The following PCDH15 variants were observed in gnomAD, a reference collection of about 807,000 sequenced individuals.
The protein encoded by PCDH15 is protocadherin-15.
PCDH15 carries 129 observed loss-of-function variants against 178.5 expected under a neutral mutation model. The ratio of observed to expected loss-of-function variants is 0.72; its 90% CI spans 0.63 to 0.84. The LOEUF is 0.84. Ranked by LOEUF, PCDH15 falls within the 40% of genes least tolerant of loss-of-function variation. The pLI is 0.00. For missense variants in PCDH15, 2,230 were observed against 2,099.9 expected, an observed-to-expected ratio of 1.06 and a Z score of -1.21; for synonymous variants, 800 against 732.0, an observed-to-expected ratio of 1.09 and a Z score of -1.50.
chr10:54,751,968 C>T (rs1428167449), intron 1 of PCDH15, among the ~76,000 whole-genome samples: 1 of 152,052 alleles, frequency 6.6e-6, no homozygotes, highest in Non-Finnish European at 1.5e-5. Flanking sequence ...CGTCATGTTT[C>T]TCAATCTATT....
At chr10:54,909,556 T>A (rs781586422) in intron 2 of PCDH15, among the ~76,000 whole-genome samples, 50 of 152,202 alleles carry the variant, frequency 3.3e-4, no homozygotes, top group Non-Finnish European at 2.5e-4. Flanking sequence ...AGCCAGACAG[T>A]GTGAGCAGTC....
At chr10:54,270,142 T>C (rs1464036341) in intron 8 of PCDH15, among the ~76,000 whole-genome samples, 4 of 152,110 alleles carry the variant, frequency 2.6e-5, no homozygotes, top group Admixed American at 6.6e-5. Context: ...ACGCTATAGA[T>C]AGTGAAATAT....
intron 2 of PCDH15, among the ~76,000 whole-genome samples, chr10:54,613,515 A>G (rs2093032165): frequency 2.0e-5 from 3 of 151,480 alleles, no homozygotes; most frequent in African/African-American, 7.3e-5. Flanking sequence ...ACACACACAC[A>G]CACACACACT....
chr10:54,392,448 G>A (rs1326762918), intron 3 of PCDH15, among the ~76,000 whole-genome samples: 1 of 115,346 alleles, frequency 8.7e-6, no homozygotes, highest in African/African-American at 3.1e-5. Flanking sequence ...CCTGGCTTGG[G>A]TGACAGAGTG....
At chr10:54,175,994 G>A (rs1037686192) in intron 13 of PCDH15, among the ~76,000 whole-genome samples, 6 of 152,072 alleles carry the variant, frequency 3.9e-5, no homozygotes, top group African/African-American at 9.7e-5. Flanking sequence ...TCCAATTTAA[G>A]AGCAGGAAGG....
intron 2 of PCDH15, among the ~76,000 whole-genome samples, chr10:55,517,067 A>G (rs1841030278): frequency 6.6e-6 from 1 of 152,114 alleles, no homozygotes; most frequent in East Asian, 1.9e-4. Flanking sequence ...TTAACTCACT[A>G]AAGAACTACT....
chr10:55,532,617 C>T (rs1841478847), intron 2 of PCDH15, among the ~76,000 whole-genome samples: 3 of 152,006 alleles, frequency 2.0e-5, no homozygotes, highest in African/African-American at 7.2e-5. Flanking sequence ...CCCAGATATG[C>T]TGGATGAAGC....
intron 16 of PCDH15, 84 bp from the exon 17 acceptor site, chr10:54,079,508 T>G: frequency 8.0e-7 from 1 of 1,247,826 alleles, no homozygotes; most frequent in South Asian, 1.2e-5. Context: ...GAATTACTTT[T>G]GATAGCTTTT....
chr10:53,922,509 A>G (rs927937482), intron 25 of PCDH15, among the ~76,000 whole-genome samples: 20 of 152,190 alleles, frequency 1.3e-4, no homozygotes, highest in Non-Finnish European at 2.2e-4. Flanking sequence ...TACCAAAATC[A>G]TGGATCTTAA....
chr10:54,441,641 G>T (rs1342773604), intron 3 of PCDH15, among the ~76,000 whole-genome samples: 1 of 151,806 alleles, frequency 6.6e-6, no homozygotes, highest in African/African-American at 2.4e-5. Context: ...AGAAGGATTG[G>T]GTGTCAATAA....
chr10:55,465,257 A>G (rs1398255840), intron 2 of PCDH15, among the ~76,000 whole-genome samples: 1 of 152,178 alleles, frequency 6.6e-6, no homozygotes, highest in Non-Finnish European at 1.5e-5. Flanking sequence ...AGTCCAAAAC[A>G]GTATGGAGGC....
At position 54,372,986 on chromosome 10, in the gene PCDH15, C is replaced by CA. The variant is rs1947893327; in HGVS notation, c.319-3712dup. On this transcript the variant is annotated intron_variant, in intron 4 of 37. Coordinates refer to ENST00000644397, the MANE Select transcript of PCDH15 (RefSeq NM_001384140.1). The stretch of plus-strand genomic sequence containing the variant: ...AGTATGAAGAGAAAAAATTTTCCCA[C>CA]AAAAATGTAAAAATTTTGTAACTCT... Among the ~76,000 whole-genome samples, 4 of 150,934 alleles carry CA rather than the reference C, an allele frequency of 2.7e-5. No individual in the cohort carries two copies. In the South Asian group the frequency reaches 8.4e-4, roughly 32 times the overall value.
In PCDH15 at chr10:54,599,125, C is replaced by T. The variant is rs190993416; in HGVS notation, c.91+65047G>A. ...ATTATTCCTATCCAATTAGCAATTA[C>T]ATTCTTCACAGAACTAGAAAAAAAA... On this transcript the variant is annotated intron_variant, in intron 2 of 37. Coordinates refer to ENST00000644397, the MANE Select transcript of PCDH15 (RefSeq NM_001384140.1). Among the ~76,000 whole-genome samples, 431 of 152,034 alleles carry T rather than the reference C, an allele frequency of 2.8e-3. 3 individuals are homozygous for T. Among genetic ancestry groups the T allele is most frequent in the African/African-American group, 9.8e-3 (408 of 41,526 alleles).
At chr10:54,795,274 C>T (rs552446414) in intron 1 of PCDH15, among the ~76,000 whole-genome samples, 2 of 151,898 alleles carry the variant, frequency 1.3e-5, no homozygotes, top group African/African-American at 4.8e-5. Flanking sequence ...CCTCTCTCTT[C>T]CAAAACCAGT....
intron 37 of PCDH15, chr10:53,809,012 C>T: frequency 6.3e-7 from 1 of 1,584,266 alleles, no homozygotes; most frequent in Non-Finnish European, 8.6e-7. Context: ...TCTTGTGGCT[C>T]CTCTTTCCTA....
chr10:55,333,002 A>G (rs887022434), intron 2 of PCDH15, among the ~76,000 whole-genome samples: 1 of 152,194 alleles, frequency 6.6e-6, no homozygotes, highest in African/African-American at 2.4e-5. Context: ...ACATGACAAC[A>G]GAAAACTATT....
chr10:54,327,534 T>C (rs1481617616), intron 7 of PCDH15, among the ~76,000 whole-genome samples: 1 of 151,420 alleles, frequency 6.6e-6, no homozygotes, highest in Non-Finnish European at 1.5e-5. Flanking sequence ...ATTAGATCTA[T>C]ATGTCTATCT....
At chr10:54,780,733 T>TAAAAAAAAAAAAAAAAAAAAAAATAA (rs35494053) in intron 1 of PCDH15, among the ~76,000 whole-genome samples, 1 of 114,330 alleles carries the variant, frequency 8.7e-6, no homozygotes, top group Non-Finnish European at 1.9e-5. Context: ...AGCAATTGTG[T>TAAAAAAAAAAAAAAAAAAAAAAATAA]AAAAAAAAAA....
At chr10:53,867,744 C>A (rs956196308) in intron 26 of PCDH15, among the ~76,000 whole-genome samples, 3 of 151,678 alleles carry the variant, frequency 2.0e-5, no homozygotes, top group African/African-American at 7.3e-5. Flanking sequence ...TATAAAAGAA[C>A]GTAGTAAAAT....
Sources: allele counts gnomAD v4.1 joint callset (sites outside exome capture counted in the v4.1 genomes callset), GRCh38; gene constraint gnomAD v4.1.1; transcripts MANE v1.5; gene names NCBI Gene and HGNC (gene_info 2026-07-23, HGNC 2026-07-21).